SLC44A5: variants seen among roughly 807,000 people sequenced by gnomAD.
The protein encoded by SLC44A5 is solute carrier family 44 member 5.
Under a neutral mutation model 101.8 loss-of-function variants are expected in SLC44A5, and 57 were observed. The ratio of observed to expected loss-of-function variants is 0.56; its 90% CI spans 0.45 to 0.70. SLC44A5 has a LOEUF of 0.70. Ranked by LOEUF, SLC44A5 falls within the 30% of genes least tolerant of loss-of-function variation. The pLI, the probability that SLC44A5 is intolerant of heterozygous loss-of-function variation, is 0.00. For synonymous variants in SLC44A5, 281 were observed against 290.9 expected (o/e 0.97, Z 0.35); for missense variants, 737 against 853.1 (o/e 0.86, Z 1.70).
chr1:75,475,310 A>C (rs546465889), intron 2 of SLC44A5, among the ~76,000 whole-genome samples: 1 of 152,354 alleles, frequency 6.6e-6, no homozygotes, highest in Admixed American at 6.5e-5. Context: ...GAAAGAAGGA[A>C]AGGAATGATG....
At chr1:75,637,108 T>G in the SLC44A5 span, among the ~76,000 whole-genome samples, 25 of 152,060 alleles carry the variant, frequency 1.6e-4, no homozygotes, top group Admixed American at 6.6e-4. Flanking sequence ...TTTTAACTAA[T>G]TTAGATTTAG....
chr1:75,654,464 G>A, the SLC44A5 span, among the ~76,000 whole-genome samples: 1 of 152,076 alleles, frequency 6.6e-6, no homozygotes, highest in South Asian at 2.1e-4. Flanking sequence ...CACAACCCTG[G>A]ATGATACACA....
the SLC44A5 span, among the ~76,000 whole-genome samples, chr1:75,666,464 A>T: frequency 6.6e-6 from 1 of 152,164 alleles, no homozygotes; most frequent in Non-Finnish European, 1.5e-5. Context: ...ACCAACTAAA[A>T]AAAGTCCAGG....
intron 1 of SLC44A5, among the ~76,000 whole-genome samples, chr1:75,610,752 G>A (rs913127900): frequency 3.3e-5 from 5 of 151,972 alleles, no homozygotes; most frequent in Non-Finnish European, 7.4e-5. Flanking sequence ...ATACATAAGT[G>A]TAACTGGACT....
At chr1:75,390,542 C>A (rs1570111435) in intron 3 of SLC44A5, among the ~76,000 whole-genome samples, 2 of 152,042 alleles carry the variant, frequency 1.3e-5, no homozygotes, top group African/African-American at 4.8e-5. Flanking sequence ...TGACTCATCA[C>A]ATCAACAGAA....
intron 1 of SLC44A5, among the ~76,000 whole-genome samples, chr1:75,562,515 T>C (rs1461493117): frequency 2.0e-5 from 3 of 151,976 alleles, no homozygotes; most frequent in Non-Finnish European, 2.9e-5. Flanking sequence ...CTGGGCAACA[T>C]GGAGAACCCC....
chr1:75,484,473 C>A (rs1323283828), intron 2 of SLC44A5, among the ~76,000 whole-genome samples: 1 of 152,230 alleles, frequency 6.6e-6, no homozygotes, highest in Non-Finnish European at 1.5e-5. Context: ...TGGGTTCCTA[C>A]AGCCTCAGAC....
chr1:75,333,456 T>C (rs1282987485), intron 4 of SLC44A5, among the ~76,000 whole-genome samples: 2 of 24,594 alleles, frequency 8.1e-5, no homozygotes, highest in Non-Finnish European at 1.9e-4. Context: ...TTCTTTTTTC[T>C]ATTTTTTTTT....
At chr1:75,370,304 ATTTG>A (rs1483926358) in intron 3 of SLC44A5, among the ~76,000 whole-genome samples, 1 of 152,220 alleles carries the variant, frequency 6.6e-6, no homozygotes, top group African/African-American at 2.4e-5. Context: ...CAATTTAATA[ATTTG>A]TTTATTGAAA....
chr1:75,223,284 G>A (rs1285190936), intron 13 of SLC44A5, among the ~76,000 whole-genome samples: 1 of 152,120 alleles, frequency 6.6e-6, no homozygotes. Context: ...TATCCTTACA[G>A]TAAATACCAT....
Position 75,532,656 on chromosome 1 carries a change from T to G in SLC44A5, c.13+8779A>C, listed in dbSNP as rs887328301. Among the ~76,000 whole-genome samples the G allele has an allele frequency of 2.2e-4, 33 of 152,374 alleles. No individual in the cohort carries two copies. In the East Asian group the frequency reaches 6.0e-3, roughly 28 times the overall value. On this transcript the variant is annotated intron_variant, in intron 2 of 23. Coordinates refer to ENST00000370859, the MANE Select transcript of SLC44A5 (RefSeq NM_001130058.2). ...TCATTTTCCACTAGAATGTAAGAGC[T>G]ATAAAACTGCCAAAGATTTTTGTCC...
chr1:75,528,422 C>T (rs1670541573), intron 2 of SLC44A5, among the ~76,000 whole-genome samples: 1 of 152,114 alleles, frequency 6.6e-6, no homozygotes, highest in Non-Finnish European at 1.5e-5. Flanking sequence ...AGTTAAAGCA[C>T]AGTATAAACA....
At chr1:75,698,009 C>A in the SLC44A5 span, among the ~76,000 whole-genome samples, 1 of 152,176 alleles carries the variant, frequency 6.6e-6, no homozygotes, top group African/African-American at 2.4e-5. Flanking sequence ...CCTATGCCCA[C>A]GGAGTCTCAC....
intron 3 of SLC44A5, among the ~76,000 whole-genome samples, chr1:75,358,121 T>C (rs1659218625): frequency 6.6e-6 from 1 of 152,144 alleles, no homozygotes; most frequent in African/African-American, 2.4e-5. Context: ...CCGTATCTGA[T>C]TCATTGTTTA....
chr1:75,288,112 A>AC (rs1653225419), intron 5 of SLC44A5, among the ~76,000 whole-genome samples: 1 of 152,170 alleles, frequency 6.6e-6, no homozygotes, highest in Non-Finnish European at 1.5e-5. Flanking sequence ...GCCCAAAAAA[A>AC]ACTTTTATAT....
the SLC44A5 span, among the ~76,000 whole-genome samples, chr1:75,664,929 G>GAAAAAAAAAAAAAAAAAAAAA: frequency 7.7e-6 from 1 of 130,190 alleles, no homozygotes; most frequent in Non-Finnish European, 1.6e-5. Context: ...TCAAAAAAAA[G>GAAAAAAAAAAAAAAAAAAAAA]AAAAAAAAAA....
At chr1:75,347,685 A>AGTGT (rs10677527) in intron 3 of SLC44A5, among the ~76,000 whole-genome samples, 6,499 of 147,998 alleles carry the variant, frequency 0.044, 292 homozygotes, top group African/African-American at 0.11. Context: ...AGTGGTGGTG[A>AGTGT]GTGTGTGTGT....
chr1:75,710,310 C>G, the SLC44A5 span: 1 of 152,148 alleles, frequency 6.6e-6, no homozygotes, highest in Non-Finnish European at 1.5e-5. Flanking sequence ...AATCCCAGCA[C>G]TTTGGGAGTC....
At chr1:75,222,772 G>C (rs557675561) in intron 13 of SLC44A5, among the ~76,000 whole-genome samples, 234 of 152,292 alleles carry the variant, frequency 1.5e-3, no homozygotes, top group African/African-American at 5.5e-3. Flanking sequence ...GGCTGCTTTA[G>C]GTAGTTCTAT....
Sources: gnomAD v4.1 joint callset for allele counts (sites outside exome capture counted in the v4.1 genomes callset) on GRCh38, gnomAD v4.1.1 for gene constraint, MANE v1.5 for transcripts, NCBI Gene and HGNC (gene_info 2026-07-23, HGNC 2026-07-21) for gene names.